Variants in FGF1 observed in about 807,000 individuals in gnomAD.
FGF1 encodes fibroblast growth factor 1.
A neutral mutation model predicts 13.4 loss-of-function variants in FGF1; 9 were observed. That is an observed-to-expected ratio of 0.67 (90% CI 0.40 to 1.17). The LOEUF is 1.17. FGF1 is among the 50% of genes most tolerant of loss of function. The pLI is 0.01. For synonymous variants in FGF1, 93 were observed against 79.0 expected, an observed-to-expected ratio of 1.18 and a Z score of -0.94; for missense variants, 156 against 192.7, an observed-to-expected ratio of 0.81 and a Z score of 1.13.
chr5:142,696,914 A>T (rs1753194721), intron 2 of FGF1, among the ~76,000 whole-genome samples: 1 of 152,174 alleles, frequency 6.6e-6, no homozygotes, highest in East Asian at 1.9e-4. Context: ...TGTGTGTGGA[A>T]GTGATAGTGG....
rs78433902 is a variant in FGF1 at position 142,626,578 on chromosome 5, C to T, written c.-34-12417G>A. Among the ~76,000 whole-genome samples, 547 of 152,272 alleles carry T rather than the reference C, an allele frequency of 3.6e-3. 6 individuals are homozygous for T. Among genetic ancestry groups the T allele is most frequent in the Middle Eastern group, 0.017 (5 of 294 alleles). ...CTATTCTTTTTACTCTACCAGCCCC[C>T]GGAACGTGTACAGCCCATTCGTTCA... On this transcript the variant is annotated intron_variant, in intron 1 of 3. Coordinates refer to ENST00000337706, the MANE Select transcript of FGF1 (RefSeq NM_000800.5).
At chr5:142,614,447 T>TG (rs1759771285) in intron 1 of FGF1, among the ~76,000 whole-genome samples, 1 of 152,084 alleles carries the variant, frequency 6.6e-6, no homozygotes, top group South Asian at 2.1e-4. Context: ...CATCTGACCA[T>TG]GGGGAAAAGA....
At chr5:142,647,624 T>C (rs1484721456) in intron 1 of FGF1, among the ~76,000 whole-genome samples, 1 of 152,228 alleles carries the variant, frequency 6.6e-6, no homozygotes, top group African/African-American at 2.4e-5. Flanking sequence ...TTCATTTATG[T>C]TTCATATACA....
intron 1 of FGF1, among the ~76,000 whole-genome samples, chr5:142,666,553 C>T (rs768486269): frequency 1.3e-5 from 2 of 152,082 alleles, no homozygotes; most frequent in South Asian, 2.1e-4. Flanking sequence ...CAAAAAAAAC[C>T]GTAGCATTTC....
chr5:142,695,137 T>C (rs1752897460), intron 2 of FGF1, among the ~76,000 whole-genome samples: 1 of 152,206 alleles, frequency 6.6e-6, no homozygotes, highest in African/African-American at 2.4e-5. Flanking sequence ...TCTTTGAGAC[T>C]TGGTTTACCC....
intron 2 of FGF1, among the ~76,000 whole-genome samples, chr5:142,603,361 G>A (rs866997032): frequency 6.6e-6 from 1 of 152,026 alleles, no homozygotes; most frequent in Admixed American, 6.6e-5. Context: ...TGCGCACGGG[G>A]TCCTTTCATC....
rs548310444 is a variant in FGF1, at chr5:142,678,332, T to A, written c.-35+7625A>T. Among the ~76,000 whole-genome samples, 118 of 152,154 alleles carry A rather than the reference T, an allele frequency of 7.8e-4. 1 individual carries two copies. Among genetic ancestry groups the A allele is most frequent in the African/African-American group, 2.8e-3 (115 of 41,502 alleles). Reference sequence around the variant, plus strand: ...TATGTGGTAAAGGCATGGCATTCGGTTTTATATGCAGACTTTTTACATACG... The same window carrying A: ...TATGTGGTAAAGGCATGGCATTCGGATTTATATGCAGACTTTTTACATACG... On this transcript the variant is annotated intron_variant, in intron 1 of 3. Transcript: ENST00000337706.
chr5:142,603,526 G>A (rs1324491875), intron 2 of FGF1, among the ~76,000 whole-genome samples: 1 of 152,184 alleles, frequency 6.6e-6, no homozygotes. Context: ...TGTACACTCT[G>A]AGAGGAAGGG....
chr5:142,597,062 A>G (rs17223898), intron 3 of FGF1, among the ~76,000 whole-genome samples: 5,560 of 152,296 alleles, frequency 0.037, 128 homozygotes, highest in Middle Eastern at 0.068. Flanking sequence ...TAGCTATCCT[A>G]TGTGCAAAGA....
At chr5:142,680,247 A>G (rs1007740632) in intron 1 of FGF1, among the ~76,000 whole-genome samples, 1 of 152,172 alleles carries the variant, frequency 6.6e-6, no homozygotes, top group Admixed American at 6.5e-5. Context: ...AACACCTACC[A>G]CCACATGTCC....
intron 3 of FGF1, among the ~76,000 whole-genome samples, chr5:142,598,692 G>A (rs954289064): frequency 6.6e-6 from 1 of 152,184 alleles, no homozygotes; most frequent in Admixed American, 6.5e-5. Flanking sequence ...AGAGCATGAA[G>A]CAGAGCTTTG....
At chr5:142,655,376 A>T (rs193257606) in intron 1 of FGF1, among the ~76,000 whole-genome samples, 3 of 152,334 alleles carry the variant, frequency 2.0e-5, no homozygotes, top group Admixed American at 2.0e-4. Flanking sequence ...ATAGGTACTC[A>T]GCAAATAGTT....
rs199949019 is a variant in FGF1 at position 142,658,482 on chromosome 5, C to CT, written c.-35+27474dup. Among the ~76,000 whole-genome samples, 875 of 152,318 alleles carry CT rather than the reference C, an allele frequency of 5.7e-3. 9 individuals carry two copies. Among genetic ancestry groups the CT allele is most frequent in the African/African-American group, 0.02 (840 of 41,570 alleles). On this transcript the variant is annotated intron_variant, in intron 1 of 3. Transcript: ENST00000337706. ...AAGGCTCTTGACTATCTGGTTGCAA[C>CT]TTTTTTTCATTCAATCAACAAACTA...
chr5:142,659,502 T>A (rs1214260820), intron 1 of FGF1, among the ~76,000 whole-genome samples: 3 of 152,156 alleles, frequency 2.0e-5, no homozygotes, highest in Admixed American at 6.5e-5. Flanking sequence ...ATTACAGGTG[T>A]GAGCCACTGC....
chr5:142,647,952 G>A (rs1275737177), intron 1 of FGF1, among the ~76,000 whole-genome samples: 1 of 152,130 alleles, frequency 6.6e-6, no homozygotes, highest in African/African-American at 2.4e-5. Context: ...GGGCGTGGTG[G>A]TGCGCACCTG....
chr5:142,684,066 C>G (rs527581710), intron 1 of FGF1, among the ~76,000 whole-genome samples: 1 of 152,296 alleles, frequency 6.6e-6, no homozygotes, highest in East Asian at 1.9e-4. Flanking sequence ...ACTGCGGACT[C>G]GCCCTGACTT....
At chr5:142,686,948 C>G (rs1163429890), upstream of FGF1, among the ~76,000 whole-genome samples, 2 of 152,158 alleles carry the variant, frequency 1.3e-5, no homozygotes, top group Non-Finnish European at 2.9e-5. Flanking sequence ...AGGGAGGGAG[C>G]TGTCTGGACA....
intron 1 of FGF1, among the ~76,000 whole-genome samples, chr5:142,648,047 T>C (rs886854023): frequency 2.6e-5 from 4 of 152,176 alleles, no homozygotes; most frequent in African/African-American, 9.7e-5. Flanking sequence ...ATCGTGCCAC[T>C]GCATTCCAGT....
At chr5:142,623,803 T>A (rs1435115958) in intron 1 of FGF1, among the ~76,000 whole-genome samples, 2 of 149,702 alleles carry the variant, frequency 1.3e-5, no homozygotes, top group East Asian at 2.0e-4. Flanking sequence ...GAGTGCAGAG[T>A]GCAGTGTACA....
Sources: gnomAD v4.1 joint callset for allele counts (sites outside exome capture counted in the v4.1 genomes callset) on GRCh38, gnomAD v4.1.1 for gene constraint, MANE v1.5 for transcripts, NCBI Gene and HGNC (gene_info 2026-07-23, HGNC 2026-07-21) for gene names.